GRM8: variants seen among roughly 807,000 people sequenced by gnomAD.
GRM8 encodes glutamate metabotropic receptor 8, also known as metabotropic glutamate receptor 8.
In GRM8, 47 loss-of-function variants were observed where a neutral mutation model predicts 87.2. The ratio of observed to expected loss-of-function variants is 0.54; its 90% CI spans 0.43 to 0.69. The LOEUF (loss-of-function observed/expected upper bound fraction) is 0.69, where lower values mean the gene tolerates loss of function less well. GRM8 is among the 30% of genes least tolerant of loss of function. GRM8 has a pLI of 0.00. For missense variants in GRM8, 1,019 were observed against 1,139.2 expected, an observed-to-expected ratio of 0.89 and a Z score of 1.52; for synonymous variants, 396 against 404.5, an observed-to-expected ratio of 0.98 and a Z score of 0.25.
chr7:126,458,342 T>G (rs1002150144), intron 9 of GRM8, among the ~76,000 whole-genome samples: 27 of 151,212 alleles, frequency 1.8e-4, no homozygotes, highest in Non-Finnish European at 4.4e-5. Context: ...AAGTTGAAAA[T>G]ACATTTTCTA....
chr7:126,989,331 GATT>G (rs1271644008), intron 3 of GRM8, among the ~76,000 whole-genome samples: 1 of 151,748 alleles, frequency 6.6e-6, no homozygotes, highest in South Asian at 2.1e-4. Context: ...AAATTATTCT[GATT>G]ATTAAGTTAA....
chr7:127,082,297 G>A (rs906151090), intron 3 of GRM8: 2 of 152,200 alleles, frequency 1.3e-5, no homozygotes, highest in Non-Finnish European at 2.9e-5. Flanking sequence ...TGCCAGGGCT[G>A]GTGTGGCAGC....
At position 126,860,144 on chromosome 7, in the gene GRM8, C is replaced by A. The variant is rs1186059900; in HGVS notation, c.1156+42398G>T. Among the ~76,000 whole-genome samples, 4 of 152,174 alleles carry A rather than the reference C, an allele frequency of 2.6e-5. No individual in the cohort carries two copies. The East Asian group carries it at 7.7e-4, about 29-fold the overall frequency. ...TACAAATAAGAAGTTTATGATGGAG[C>A]CTAGATTCCTATCCAGATTATAAAT... On this transcript the variant is annotated intron_variant, in intron 6 of 10. Transcript: ENST00000339582.
At chr7:126,580,200 G>C (rs1795480024) in intron 8 of GRM8, among the ~76,000 whole-genome samples, 1 of 152,092 alleles carries the variant, frequency 6.6e-6, no homozygotes, top group Non-Finnish European at 1.5e-5. Flanking sequence ...TTTCCTTAGA[G>C]TAGTGACTGA....
chr7:126,554,417 A>AAATAATAATAAT (rs34731773), intron 8 of GRM8, among the ~76,000 whole-genome samples: 4 of 147,148 alleles, frequency 2.7e-5, no homozygotes, highest in African/African-American at 5.1e-5. Context: ...CAATTTCTAC[A>AAATAATAATAAT]AATAATAATA....
intron 7 of GRM8, among the ~76,000 whole-genome samples, chr7:126,638,788 C>T (rs1802093455): frequency 6.6e-6 from 1 of 152,190 alleles, no homozygotes; most frequent in Non-Finnish European, 1.5e-5. Flanking sequence ...CCAGTCTAGA[C>T]ACCCTGGAGC....
chr7:126,534,279 G>C (rs1450363629), intron 8 of GRM8, among the ~76,000 whole-genome samples: 1 of 152,120 alleles, frequency 6.6e-6, no homozygotes, highest in East Asian at 1.9e-4. Context: ...GAAACACTGG[G>C]CTAGGATATA....
intron 7 of GRM8, among the ~76,000 whole-genome samples, chr7:126,644,405 T>C (rs922230692): frequency 6.6e-6 from 1 of 152,202 alleles, no homozygotes; most frequent in Non-Finnish European, 1.5e-5. Flanking sequence ...GGCTTAAATA[T>C]GTCTGATGCC....
intron 8 of GRM8, among the ~76,000 whole-genome samples, chr7:126,551,232 T>G (rs536621461): frequency 1.1e-4 from 17 of 152,272 alleles, no homozygotes; most frequent in African/African-American, 3.8e-4. Flanking sequence ...TACAATCTAT[T>G]CATTTTAAAG....
In GRM8 at chr7:126,467,927, T is replaced by C. The variant is rs552708609; in HGVS notation, c.2431-21555A>G. ...CATATCCATGTGGAAATTGGTCTCA[T>C]GGAAAAATTTTTTAAATCATTTTCC... is the stretch of plus-strand genomic sequence containing the variant. On this transcript the variant is annotated intron_variant, in intron 9 of 10. Coordinates refer to ENST00000339582, the MANE Select transcript of GRM8 (RefSeq NM_000845.3). 1.5e-4 allele frequency among the ~76,000 whole-genome samples: 23 copies of C among 152,144 alleles called. No homozygotes were observed. The East Asian group carries it at 3.3e-3, about 22-fold the overall frequency.
intron 3 of GRM8, among the ~76,000 whole-genome samples, chr7:127,059,331 CTTT>C (rs10618329): frequency 4.6e-5 from 6 of 130,600 alleles, no homozygotes; most frequent in Admixed American, 2.3e-4. Flanking sequence ...TTTTTTTTTG[CTTT>C]TTTTTTTTTT....
At chr7:126,529,836 T>C (rs1814522081) in intron 9 of GRM8, among the ~76,000 whole-genome samples, 1 of 152,178 alleles carries the variant, frequency 6.6e-6, no homozygotes, top group Non-Finnish European at 1.5e-5. Flanking sequence ...TTCAGTACAA[T>C]TATGTGAGTT....
chr7:126,904,758 T>G lies in GRM8; in HGVS notation c.728-75A>C, dbSNP rs1477651888. The G allele has an allele frequency of 5.6e-6, 7 of 1,247,548 alleles. No homozygotes were observed. The Admixed American group carries it at 1.2e-4, about 22-fold the overall frequency. 77.3% of individuals were successfully genotyped at this position (1,247,548 alleles called of 1,614,324 possible). On this transcript the variant is annotated intron_variant, in intron 3 of 10. Transcript: ENST00000339582. ...TTAGCAAACCCAATTACCTACTTTA[T>G]AAAAGCACATACTTCTGTATGAATA... is the stretch of plus-strand genomic sequence containing the variant.
At chr7:126,904,442 G>T in intron 4 of GRM8, 106 bp downstream of exon 4, 2 of 1,096,894 alleles carry the variant, frequency 1.8e-6, no homozygotes, top group Non-Finnish European at 2.7e-6. Context: ...AAGGCAGTCT[G>T]TTATTGGAAG....
chr7:126,761,152 C>T (rs1585822363), intron 7 of GRM8, among the ~76,000 whole-genome samples: 1 of 151,478 alleles, frequency 6.6e-6, no homozygotes, highest in South Asian at 2.1e-4. Flanking sequence ...GAGCGGAGAT[C>T]GCACCACTGC....
intron 6 of GRM8, among the ~76,000 whole-genome samples, chr7:126,895,249 G>A (rs1801432640): frequency 6.6e-6 from 1 of 152,040 alleles, no homozygotes; most frequent in African/African-American, 2.4e-5. Context: ...GTCAAGTCTT[G>A]TTTAGACGAT....
rs1421687373 is a variant in GRM8 at position 127,130,271 on chromosome 7, G to GGATA, written c.511-23560_511-23559insTATC. Among the ~76,000 whole-genome samples, 174 of 152,294 alleles carry GGATA rather than the reference G, an allele frequency of 1.1e-3. 1 individual carries two copies. Among genetic ancestry groups the GGATA allele is most frequent in the African/African-American group, 4.2e-3 (173 of 41,568 alleles). ...GACTAATACGGATAATTGGTACAGG[G>GGATA]AGTGGGGTACTGCTATAAAAATAAC... On this transcript the variant is annotated intron_variant, in intron 2 of 10. Coordinates refer to ENST00000339582, the MANE Select transcript of GRM8 (RefSeq NM_000845.3).
chr7:127,217,825 A>G (rs1214445165), intron 2 of GRM8, among the ~76,000 whole-genome samples: 1 of 152,258 alleles, frequency 6.6e-6, no homozygotes, highest in Non-Finnish European at 1.5e-5. Flanking sequence ...TCTACAGAAT[A>G]TCAGTGTTCC....
At chr7:126,457,289 T>C (rs1397900478) in intron 9 of GRM8, among the ~76,000 whole-genome samples, 2 of 151,362 alleles carry the variant, frequency 1.3e-5, no homozygotes, top group African/African-American at 2.4e-5. Context: ...TAAAACATGA[T>C]ACAAAATTTG....
Sources: allele counts gnomAD v4.1 joint callset (sites outside exome capture counted in the v4.1 genomes callset), GRCh38; gene constraint gnomAD v4.1.1; transcripts MANE v1.5; gene names NCBI Gene and HGNC (gene_info 2026-07-23, HGNC 2026-07-21).